KPNA1: variants seen among roughly 807,000 people sequenced by gnomAD.
KPNA1 encodes the protein importin subunit alpha-5.
Under a neutral mutation model 70.5 loss-of-function variants are expected in KPNA1, and 10 were observed. That is an observed-to-expected ratio of 0.14 (90% CI 0.09 to 0.24). The LOEUF (loss-of-function observed/expected upper bound fraction) is 0.24, where lower values mean the gene tolerates loss of function less well. KPNA1 is among the 10% of genes least tolerant of loss of function. The probability of loss-of-function intolerance (pLI) is 1.00; values close to 1 mark genes in which losing one functional copy is unlikely to be tolerated. For synonymous variants in KPNA1, 192 were observed against 221.9 expected, an observed-to-expected ratio of 0.87 and a Z score of 1.20; for missense variants, 397 against 637.9, an observed-to-expected ratio of 0.62 and a Z score of 4.07.
chr3:122,433,358 G>A (rs2107718277), intron 12 of KPNA1: 1 of 249,086 alleles, frequency 4.0e-6, no homozygotes, highest in East Asian at 7.9e-5. Flanking sequence ...AGAGTAGGTT[G>A]AAGCAAGGAT....
Position 122,427,749 on chromosome 3 carries a change from CTT to C in KPNA1, c.1251-35_1251-34del, listed in dbSNP as rs752589438. Reference sequence around the variant, plus strand: ...CAAAGAATAATGTAGTCAAACAAAACTTTTAATTTTGTTAAACTTATGAAATT... The same window carrying C: ...CAAAGAATAATGTAGTCAAACAAAACTTAATTTTGTTAAACTTATGAAATT... On this transcript the variant is annotated intron_variant, in intron 12 of 13. Coordinates refer to ENST00000344337, the MANE Select transcript of KPNA1 (RefSeq NM_002264.4). 3 of 1,413,772 alleles carry C rather than the reference CTT, an allele frequency of 2.1e-6. No homozygotes were observed. In the East Asian group the frequency reaches 7.3e-5, roughly 34 times the overall value. 87.6% of individuals were successfully genotyped at this position (1,413,772 alleles called of 1,614,324 possible). A position where few individuals can be genotyped will look rare whatever the true frequency, so the allele number is the denominator to read the frequency against.
Position 122,423,833 on chromosome 3 carries a change from A to C in KPNA1, c.*3152T>G, listed in dbSNP as rs1197351440. 8.5e-5 allele frequency: 13 copies of C among 152,588 alleles called. No homozygotes were observed. 9.5% of individuals were successfully genotyped at this position (152,588 alleles called of 1,614,324 possible). On this transcript the variant is annotated 3_prime_UTR_variant, in exon 14 of 14. Transcript: ENST00000344337. ...ATCTGTGACGATAATGCCAAAAATGACTCAGAGCCAATAACCTTCATCTGT... is the reference window on the plus strand; with the variant it reads ...ATCTGTGACGATAATGCCAAAAATGCCTCAGAGCCAATAACCTTCATCTGT...
Position 122,426,974 on chromosome 3 carries a change from A to G in KPNA1, c.*11T>C, listed in dbSNP as rs1384106328. ...TGGTCTGACACAGGTACGTGAAAGC[A>G]GAGTATTGCTTCAAAGCTGGAAACC... On this transcript the variant is annotated 3_prime_UTR_variant, in exon 14 of 14. Transcript: ENST00000344337. 14 of 1,611,572 alleles carry G rather than the reference A, an allele frequency of 8.7e-6. No individual in the cohort carries two copies. Among genetic ancestry groups the G allele is most frequent in the Non-Finnish European group, 1.2e-5 (14 of 1,177,978 alleles).
intron 6 of KPNA1, among the ~76,000 whole-genome samples, chr3:122,453,513 G>T (rs1032222330): frequency 2.6e-5 from 4 of 151,268 alleles, no homozygotes; most frequent in African/African-American, 9.7e-5. Flanking sequence ...AAATTTTGTG[G>T]TTTTTTTTGT....
At position 122,489,057 on chromosome 3, in the gene KPNA1, C is replaced by CGTGTGTGT. The variant is rs34002370; in HGVS notation, c.129+7372_129+7379dup. 5.1e-3 allele frequency among the ~76,000 whole-genome samples: 664 copies of CGTGTGTGT among 130,732 alleles called. 4 individuals are homozygous for CGTGTGTGT. The highest frequency in any genetic ancestry group is 8.8e-3 in the East Asian group (40 of 4,524). 85.8% of individuals were successfully genotyped at this position (130,732 alleles called of 152,430 possible). On this transcript the variant is annotated intron_variant, in intron 2 of 13. Transcript: ENST00000344337. ...ACTCGCTTGTGGGTTTTTTTGCGTG[C>CGTGTGTGT]GTGTGTGTGTGTGTGTGTGTGTGTG...
chr3:122,429,776 T>C (rs935816115), intron 12 of KPNA1, among the ~76,000 whole-genome samples: 5 of 152,174 alleles, frequency 3.3e-5, no homozygotes, highest in African/African-American at 1.2e-4. Context: ...GTTGGAGGAA[T>C]GACATTATCA....
chr3:122,486,098 C>T (rs982587834), intron 2 of KPNA1, among the ~76,000 whole-genome samples: 1 of 152,164 alleles, frequency 6.6e-6, no homozygotes, highest in Admixed American at 6.5e-5. Context: ...ACCAGCTATA[C>T]AACCCAGCCA....
At chr3:122,496,350 C>CACACACACACACACA in intron 2 of KPNA1, 87 bp downstream of exon 2, 4 of 569,570 alleles carry the variant, frequency 7.0e-6, no homozygotes, top group Non-Finnish European at 1.1e-5. Flanking sequence ...ACACACACAC[C>CACACACACACACACA]CCAACTTTGC....
At chr3:122,455,577 CAG>C (rs1226485726) in intron 5 of KPNA1, among the ~76,000 whole-genome samples, 17 of 151,726 alleles carry the variant, frequency 1.1e-4, no homozygotes, top group African/African-American at 4.1e-4. Context: ...TTTTTTGAGA[CAG>C]AGTCTCAGTC....
intron 11 of KPNA1, 145 bp downstream of exon 11, chr3:122,437,025 G>C: frequency 1.4e-6 from 1 of 699,862 alleles, no homozygotes; most frequent in Non-Finnish European, 2.4e-6. Context: ...AGTGATCCAC[G>C]GGCCTCAGCC....
chr3:122,486,324 A>G (rs572256872), intron 2 of KPNA1, among the ~76,000 whole-genome samples: 2 of 152,366 alleles, frequency 1.3e-5, no homozygotes, highest in South Asian at 2.1e-4. Context: ...ACACAAAACA[A>G]TAAGTGAATA....
chr3:122,459,826 G>C (rs1286929417), intron 5 of KPNA1: 2 of 985,322 alleles, frequency 2.0e-6, no homozygotes, highest in Non-Finnish European at 2.4e-6. Flanking sequence ...CCGCAACAAA[G>C]AGTGTAAAAC....
At chr3:122,490,956 T>C (rs2076691739) in intron 2 of KPNA1, among the ~76,000 whole-genome samples, 1 of 152,202 alleles carries the variant, frequency 6.6e-6, no homozygotes, top group Admixed American at 6.5e-5. Context: ...TAACTACCAA[T>C]TTTATATGAT....
chr3:122,440,599 A>G (rs186295925), intron 10 of KPNA1, among the ~76,000 whole-genome samples: 27 of 152,356 alleles, frequency 1.8e-4, no homozygotes, highest in Non-Finnish European at 2.6e-4. Flanking sequence ...TATCCCAGCC[A>G]ACCAGTTCCC....
chr3:122,431,678 A>G (rs2075911126), intron 12 of KPNA1, among the ~76,000 whole-genome samples: 1 of 152,242 alleles, frequency 6.6e-6, no homozygotes, highest in Admixed American at 6.5e-5. Context: ...ATAAATAGCT[A>G]TGCTGAATTT....
At position 122,472,397 on chromosome 3, in the gene KPNA1, TGAA is replaced by T. The variant is rs1433494893; in HGVS notation, c.130-4971_130-4969del. Among the ~76,000 whole-genome samples the T allele has an allele frequency of 2.0e-5, 3 of 151,672 alleles. 1 individual carries two copies. The highest frequency in any genetic ancestry group is 4.4e-5 in the Non-Finnish European group (3 of 67,876). ...TAAAATATTTTGAGCTAAATGAAAA[TGAA>T]GACACAACTTATCAAAATCTATGGG... On this transcript the variant is annotated intron_variant, in intron 2 of 13. Transcript: ENST00000344337.
Position 122,425,779 on chromosome 3 carries a change from G to A in KPNA1, c.*1206C>T, listed in dbSNP as rs983657857. 1 of 152,638 alleles carries A rather than the reference G, an allele frequency of 6.6e-6. No homozygotes were observed. The highest frequency in any genetic ancestry group is 2.4e-5 in the African/African-American group (1 of 41,454). The allele number at this position is 152,638 out of a possible 1,614,324, so 9.5% of individuals were successfully genotyped here. A position where few individuals can be genotyped will look rare whatever the true frequency, so the allele number is the denominator to read the frequency against. ...TGAAATAAAATGATTAGGAAACAAT[G>A]AGGTTATAAGATCACTGTTCTTATT... On this transcript the variant is annotated 3_prime_UTR_variant, in exon 14 of 14. Transcript: ENST00000344337.
intron 2 of KPNA1, chr3:122,483,353 GTTTT>G: frequency 6.5e-6 from 1 of 154,468 alleles, no homozygotes; most frequent in Non-Finnish European, 1.4e-5. Context: ...GTTTTGTTTT[GTTTT>G]TTTTAAATTG....
chr3:122,471,554 G>A (rs776389631), intron 2 of KPNA1, among the ~76,000 whole-genome samples: 8 of 152,124 alleles, frequency 5.3e-5, no homozygotes, highest in Admixed American at 6.6e-5. Flanking sequence ...AAAAGAAAGC[G>A]GAGTTGGCCA....
Sources: gnomAD v4.1 joint callset for allele counts (sites outside exome capture counted in the v4.1 genomes callset) on GRCh38, gnomAD v4.1.1 for gene constraint, MANE v1.5 for transcripts, NCBI Gene and HGNC (gene_info 2026-07-23, HGNC 2026-07-21) for gene names.